The following ABLIM3 variants were observed in gnomAD, a reference collection of about 807,000 sequenced individuals.
The protein encoded by ABLIM3 is actin-binding LIM protein 3.
In ABLIM3, 61 loss-of-function variants were observed where a neutral mutation model predicts 109.5. That is an observed-to-expected ratio of 0.56 (90% CI 0.45 to 0.69). The LOEUF (loss-of-function observed/expected upper bound fraction) is 0.69. Ranked by LOEUF, ABLIM3 falls within the 30% of genes least tolerant of loss-of-function variation. ABLIM3 has a pLI of 0.00. For synonymous variants in ABLIM3, 300 were observed against 324.8 expected, an observed-to-expected ratio of 0.92 and a Z score of 0.82; for missense variants, 796 against 889.5, an observed-to-expected ratio of 0.89 and a Z score of 1.34.
intron 2 of ABLIM3, among the ~76,000 whole-genome samples, chr5:149,167,593 T>C (rs1372593572): frequency 3.3e-5 from 5 of 152,214 alleles, no homozygotes; most frequent in Non-Finnish European, 2.9e-5. Flanking sequence ...TGTTTTTTAA[T>C]TGCACATGAA....
chr5:149,228,721 A>C (rs1052003643), intron 8 of ABLIM3, among the ~76,000 whole-genome samples: 1 of 152,034 alleles, frequency 6.6e-6, no homozygotes, highest in African/African-American at 2.4e-5. Context: ...ATATACTACC[A>C]ACTCCTAAAT....
At chr5:149,165,003 T>A (rs1364937783) in intron 2 of ABLIM3, among the ~76,000 whole-genome samples, 1 of 152,220 alleles carries the variant, frequency 6.6e-6, no homozygotes, top group African/African-American at 2.4e-5. Flanking sequence ...TAATTATGGT[T>A]GGAGGCTTTT....
At chr5:149,184,244 G>A (rs541439722) in intron 3 of ABLIM3, among the ~76,000 whole-genome samples, 2 of 152,214 alleles carry the variant, frequency 1.3e-5, no homozygotes, top group East Asian at 1.9e-4. Context: ...CTGGCCCGGG[G>A]CAACACACCC....
chr5:149,190,501 G>C (rs1214824858), intron 3 of ABLIM3, among the ~76,000 whole-genome samples: 3 of 152,038 alleles, frequency 2.0e-5, no homozygotes, highest in African/African-American at 7.2e-5. Flanking sequence ...GCAACATAGC[G>C]AAGCCTCTTC....
In ABLIM3 at chr5:149,210,828, G is replaced by GTATAATATATAA. The variant is rs1161697311; in HGVS notation, c.669+14_669+15insTATATAATATAA. The GTATAATATATAA allele has an allele frequency of 8.1e-6, 13 of 1,612,972 alleles. No homozygotes were observed. Among genetic ancestry groups the GTATAATATATAA allele is most frequent in the Non-Finnish European group, 1.1e-5 (13 of 1,179,094 alleles). On this transcript the variant is annotated intron_variant, in intron 7 of 23. Transcript: ENST00000309868. ...GTGGCAGAGTCTTGGAGGTGAGTGGGTATAAGTAACCGTGAAGATGTGGCA... is the reference window on the plus strand; with the variant it reads ...GTGGCAGAGTCTTGGAGGTGAGTGGGTATAATATATAATATAAGTAACCGTGAAGATGTGGCA...
chr5:149,250,571 G>A (rs1490201722), intron 20 of ABLIM3, 66 bp downstream of exon 20: 1 of 1,581,390 alleles, frequency 6.3e-7, no homozygotes, highest in Non-Finnish European at 8.7e-7. Context: ...CCCAACATTA[G>A]CTTATTGTAA....
At chr5:149,189,821 GAGTTA>G (rs1757309641) in intron 3 of ABLIM3, among the ~76,000 whole-genome samples, 1 of 152,162 alleles carries the variant, frequency 6.6e-6, no homozygotes, top group Non-Finnish European at 1.5e-5. Flanking sequence ...GATGAAATTA[GAGTTA>G]CCGTATGACC....
At chr5:149,149,823 CA>C (rs1010300743) in intron 2 of ABLIM3, among the ~76,000 whole-genome samples, 5 of 152,114 alleles carry the variant, frequency 3.3e-5, no homozygotes, top group Non-Finnish European at 4.4e-5. Context: ...AAGAAACAAA[CA>C]AAGAGAAGCA....
chr5:149,226,124 A>G (rs1761246255), intron 8 of ABLIM3, among the ~76,000 whole-genome samples: 1 of 150,460 alleles, frequency 6.6e-6, no homozygotes, highest in African/African-American at 2.4e-5. Context: ...CTCCCAGTCT[A>G]TTGCCACAAA....
chr5:149,232,378 G>C (rs1011400), intron 9 of ABLIM3, among the ~76,000 whole-genome samples: 61,066 of 151,982 alleles, frequency 0.4, 12,685 homozygotes, highest in East Asian at 0.62. Context: ...AAACTGAGAC[G>C]GCCTCCTTGA....
At chr5:149,141,900 A>T (rs926648369) in intron 1 of ABLIM3, 109 bp from the exon 2 acceptor site, 3 of 758,476 alleles carry the variant, frequency 4.0e-6, no homozygotes, top group Non-Finnish European at 6.8e-6. Context: ...CTATTAGTCC[A>T]CGCGCCTTCA....
At position 149,251,416 on chromosome 5, in the gene ABLIM3, C is replaced by A. The variant is rs368209611; in HGVS notation, c.1846C>A (p.Arg616=). ...DSMNAVNWGM[R]EYKIYPYELL... is the part of the protein sequence containing the mutation. ...CATGAACGCAGTCAACTGGGGCATG[C>A]GAGGTGAGTGCAGGCCTGCAGGGGG... Residue 616 remains arginine (R), a synonymous_variant, in exon 21 of 24, where the codon CGA becomes AGA. Transcript: ENST00000309868. 1.8e-5 allele frequency: 29 copies of A among 1,614,034 alleles called. 1 individual carries two copies. The South Asian group carries it at 3.0e-4, about 17-fold the overall frequency.
At chr5:149,154,983 T>C (rs1309422686) in intron 2 of ABLIM3, among the ~76,000 whole-genome samples, 1 of 152,192 alleles carries the variant, frequency 6.6e-6, no homozygotes, top group Admixed American at 6.5e-5. Flanking sequence ...ATCACAAAGT[T>C]AAGAAAAGTG....
chr5:149,150,869 G>A (rs114401890), intron 2 of ABLIM3, among the ~76,000 whole-genome samples: 436 of 152,292 alleles, frequency 2.9e-3, no homozygotes, highest in African/African-American at 9.9e-3. Context: ...CCTTCTCTGT[G>A]CCTCACTTCC....
chr5:149,204,338 C>T (rs955212579), intron 5 of ABLIM3, among the ~76,000 whole-genome samples: 1 of 152,140 alleles, frequency 6.6e-6, no homozygotes, highest in Admixed American at 6.5e-5. Context: ...GTGTGGTTTT[C>T]CTGATTCTAT....
In ABLIM3 at chr5:149,240,751, C is replaced by A; in HGVS notation, c.1280C>A (p.Ala427Asp). 8 of 1,614,174 alleles carry A rather than the reference C, an allele frequency of 5.0e-6. No homozygotes were observed. Among genetic ancestry groups the A allele is most frequent in the Non-Finnish European group, 5.1e-6 (6 of 1,180,032 alleles). ...TCCTCCACTCCAACCTCTTACCAGG[C>A]TCCCAAGCACTTTCACATCCCAGGT... is the stretch of plus-strand genomic sequence containing the variant. ...VRSSTPTSYQ[A>D]PKHFHIPAGD... The change falls in exon 14 of 24, where the codon GCT (alanine) becomes GAT (aspartate). Residue 427 changes from alanine (A) to aspartate (D), a missense_variant. Physicochemically the swap from Ala to Asp is moderately radical, Grantham distance 126. Transcript: ENST00000309868.
At chr5:149,217,307 T>G (rs979499755) in intron 8 of ABLIM3, 5 of 519,612 alleles carry the variant, frequency 9.6e-6, no homozygotes, top group Non-Finnish European at 1.7e-5. Context: ...TCCCTGGCAG[T>G]GCTCTGAGCA....
intron 3 of ABLIM3, among the ~76,000 whole-genome samples, chr5:149,187,953 G>C (rs141062462): frequency 1.3e-5 from 2 of 152,268 alleles, no homozygotes; most frequent in East Asian, 3.9e-4. Flanking sequence ...CCTTGTCCAA[G>C]TGCACCCTCA....
Position 149,258,773 on chromosome 5 carries a change from T to G in ABLIM3, c.*369T>G. ...CCCTTTCTTAAATTTCTAGGGCTGATGCTGACCATGTGGTTTCCACACCTT... is the reference window on the plus strand; with the variant it reads ...CCCTTTCTTAAATTTCTAGGGCTGAGGCTGACCATGTGGTTTCCACACCTT... On this transcript the variant is annotated 3_prime_UTR_variant, in exon 24 of 24. Coordinates refer to ENST00000309868, the MANE Select transcript of ABLIM3 (RefSeq NM_014945.5). 1 of 998,382 alleles carries G rather than the reference T, an allele frequency of 1.0e-6. No homozygotes were observed. The highest frequency in any genetic ancestry group is 1.2e-6 in the Non-Finnish European group (1 of 838,718). 61.8% of individuals were successfully genotyped at this position (998,382 alleles called of 1,614,324 possible).
Sources: allele counts gnomAD v4.1 joint callset (sites outside exome capture counted in the v4.1 genomes callset), GRCh38; gene constraint gnomAD v4.1.1; transcripts MANE v1.5; gene names NCBI Gene and HGNC (gene_info 2026-07-23, HGNC 2026-07-21).